The following DCAKD variants were observed in gnomAD, a reference collection of about 807,000 sequenced individuals.
DCAKD encodes the protein dephospho-CoA kinase domain-containing protein.
Under a neutral mutation model 18.7 loss-of-function variants are expected in DCAKD, and 15 were observed. The observed-to-expected ratio is 0.80, with a 90% CI of 0.54 to 1.24. The LOEUF is 1.24. Among genes scored for constraint, DCAKD ranks in the 50% most tolerant of loss-of-function variants. DCAKD has a pLI of 0.00. For missense variants in DCAKD, 301 were observed against 322.0 expected (o/e 0.93, Z 0.50); for synonymous variants, 130 against 133.0 (o/e 0.98, Z 0.16).
At chr17:45,052,115 G>T (rs112113893), upstream of DCAKD, among the ~76,000 whole-genome samples, 125 of 151,470 alleles carry the variant, frequency 8.3e-4, no homozygotes, top group African/African-American at 3.0e-3. Context: ...ACGGACGCGG[G>T]AGAGGCCGGC....
chr17:45,048,764 C>T (rs1433061081), intron 1 of DCAKD, among the ~76,000 whole-genome samples: 1 of 152,110 alleles, frequency 6.6e-6, no homozygotes, highest in Non-Finnish European at 1.5e-5. Flanking sequence ...CAAGACTGCG[C>T]CACTGCACTC....
intron 4 of DCAKD, among the ~76,000 whole-genome samples, chr17:45,025,408 C>T (rs906663771): frequency 6.6e-6 from 1 of 152,252 alleles, no homozygotes; most frequent in African/African-American, 2.4e-5. Context: ...AGTTGTGGGA[C>T]AGGATTCAGC....
chr17:45,053,727 C>A (rs1246923482), upstream of DCAKD, among the ~76,000 whole-genome samples: 1 of 151,782 alleles, frequency 6.6e-6, no homozygotes, highest in South Asian at 2.1e-4. Flanking sequence ...GCACATCTGG[C>A]TAATTTTTGT....
intron 3 of DCAKD, 122 bp from the exon 4 acceptor site, chr17:45,030,301 T>G: frequency 3.8e-6 from 3 of 787,290 alleles, no homozygotes; most frequent in African/African-American, 1.7e-5. Flanking sequence ...AGGACACACA[T>G]ACCCTGCACA....
intron 3 of DCAKD, among the ~76,000 whole-genome samples, 197 bp from the exon 4 acceptor site, chr17:45,030,376 G>A (rs1001330650): frequency 1.8e-4 from 27 of 152,348 alleles, no homozygotes; most frequent in Non-Finnish European, 3.5e-4. Flanking sequence ...TAGCTGATCA[G>A]GGAAGACCTT....
chr17:45,046,558 G>A (rs570218137), intron 1 of DCAKD, among the ~76,000 whole-genome samples: 155 of 145,796 alleles, frequency 1.1e-3, no homozygotes, highest in African/African-American at 3.9e-3. Context: ...GGAGGTTGCA[G>A]TGAGCCGAGA....
At chr17:45,038,112 T>C (rs548673580) in intron 1 of DCAKD, among the ~76,000 whole-genome samples, 2 of 152,176 alleles carry the variant, frequency 1.3e-5, no homozygotes, top group South Asian at 4.2e-4. Context: ...AGTCTCTCTC[T>C]GTCCCCCAGG....
chr17:45,052,686 C>A (rs1170740810), upstream of DCAKD, among the ~76,000 whole-genome samples: 1 of 147,754 alleles, frequency 6.8e-6, no homozygotes, highest in African/African-American at 2.5e-5. Context: ...GACTAACCCC[C>A]GATCTCTACA....
intron 1 of DCAKD, among the ~76,000 whole-genome samples, chr17:45,044,518 C>T (rs964219925): frequency 3.9e-5 from 6 of 152,048 alleles, no homozygotes; most frequent in African/African-American, 1.4e-4. Context: ...ATAGCAAAAT[C>T]CTGTCTCTAC....
chr17:45,060,465 T>C (rs1366724320), intron 1 of DCAKD, among the ~76,000 whole-genome samples: 1 of 151,926 alleles, frequency 6.6e-6, no homozygotes, highest in Non-Finnish European at 1.5e-5. Flanking sequence ...GCTGTGATCT[T>C]GAGCCATTGC....
chr17:45,025,763 TTTTTTC>T (rs1216819552), intron 4 of DCAKD, among the ~76,000 whole-genome samples: 18 of 126,854 alleles, frequency 1.4e-4, no homozygotes, highest in African/African-American at 2.5e-4. Flanking sequence ...TTTTTTTTTT[TTTTTTC>T]CTGAGACAGT....
chr17:45,034,523 G>C (rs566180894), intron 2 of DCAKD, 133 bp from the exon 3 acceptor site: 1 of 1,055,552 alleles, frequency 9.5e-7, no homozygotes, highest in East Asian at 2.6e-5. Context: ...AATGAGGGTA[G>C]AGAAAGCAGT....
rs897403398 is a variant in DCAKD, at chr17:45,030,940, CCACT to C, written c.317-765_317-762del. On this transcript the variant is annotated intron_variant, in intron 3 of 4. Coordinates refer to ENST00000651974, the MANE Select transcript of DCAKD (RefSeq NM_001288655.2). The stretch of plus-strand genomic sequence containing the variant: ...GGCCAGTCAAGGGCAGCACCCCCAC[CCACT>C]GTGAGTGAGCACATCCGTAGGCTGC... The C allele has an allele frequency of 1.0e-5, 10 of 981,738 alleles. No individual in the cohort carries two copies. The African/African-American group carries it at 1.2e-4, about 12-fold the overall frequency. The allele number at this position is 981,738 out of a possible 1,614,324, so 60.8% of individuals were successfully genotyped here. A position where few individuals can be genotyped will look rare whatever the true frequency, so the allele number is the denominator to read the frequency against.
chr17:45,024,493 C>A lies in DCAKD; in HGVS notation c.636G>T (p.Gly212=). ...AGAGGAGGCTGGCAATGGCAGCGAGCCCTGTGAGGACCCCAAACCTCAGCG... is the reference window on the plus strand; with the variant it reads ...AGAGGAGGCTGGCAATGGCAGCGAGACCTGTGAGGACCCCAAACCTCAGCG... ...YLPLRFGVLT[G]LAAIASLLYL... The change falls in exon 5 of 5, where the codon GGG becomes GGT. Residue 212 remains glycine (G), a synonymous_variant. Coordinates refer to ENST00000651974, the MANE Select transcript of DCAKD (RefSeq NM_001288655.2). 1.9e-6 allele frequency: 3 copies of A among 1,613,828 alleles called. No homozygotes were observed. Among genetic ancestry groups the A allele is most frequent in the Non-Finnish European group, 2.5e-6 (3 of 1,179,746 alleles).
At chr17:45,053,904 C>G (rs1438926427), upstream of DCAKD, among the ~76,000 whole-genome samples, 1 of 152,210 alleles carries the variant, frequency 6.6e-6, no homozygotes, top group East Asian at 1.9e-4. Flanking sequence ...TCTCCCTTCC[C>G]TTTCCTTAAA....
chr17:45,046,737 TAG>T (rs1273136451), intron 1 of DCAKD, among the ~76,000 whole-genome samples: 1 of 150,874 alleles, frequency 6.6e-6, no homozygotes, highest in Non-Finnish European at 1.5e-5. Context: ...GGCACAAAGG[TAG>T]AGTTTCAGCG....
At chr17:45,032,080 G>A in intron 3 of DCAKD, 4 of 985,438 alleles carry the variant, frequency 4.1e-6, no homozygotes, top group South Asian at 4.7e-5. Context: ...TTCAGAAGGG[G>A]AGAGCCACTG....
At chr17:45,048,572 C>T (rs2053623591) in intron 1 of DCAKD, among the ~76,000 whole-genome samples, 1 of 151,978 alleles carries the variant, frequency 6.6e-6, no homozygotes, top group Non-Finnish European at 1.5e-5. Context: ...GGGAGGCAGA[C>T]GTTGCAGTAA....
chr17:45,040,836 T>G (rs1228209670), intron 1 of DCAKD, among the ~76,000 whole-genome samples: 1 of 152,158 alleles, frequency 6.6e-6, no homozygotes, highest in Non-Finnish European at 1.5e-5. Flanking sequence ...TGGGCTCTTT[T>G]GCATCGGGTG....
Sources: allele counts gnomAD v4.1 joint callset (sites outside exome capture counted in the v4.1 genomes callset), GRCh38; gene constraint gnomAD v4.1.1; transcripts MANE v1.5; gene names NCBI Gene and HGNC (gene_info 2026-07-23, HGNC 2026-07-21).